ATG10: variants seen among roughly 807,000 people sequenced by gnomAD.
ATG10 encodes ubiquitin-like-conjugating enzyme ATG10.
A neutral mutation model predicts 32.1 loss-of-function variants in ATG10; 30 were observed. The ratio of observed to expected loss-of-function variants is 0.94; its 90% CI spans 0.70 to 1.27. ATG10 has a LOEUF of 1.27. ATG10 is among the 50% of genes most tolerant of loss of function. The pLI is 0.00. For synonymous variants in ATG10, 87 were observed against 91.5 expected (o/e 0.95, Z 0.28); for missense variants, 233 against 262.3 (o/e 0.89, Z 0.77).
chr5:82,239,726 G>C (rs1189172502), intron 5 of ATG10, among the ~76,000 whole-genome samples: 2 of 152,080 alleles, frequency 1.3e-5, no homozygotes, highest in Non-Finnish European at 2.9e-5. Flanking sequence ...AAAGTGAAGA[G>C]ATATCCTACA....
intron 5 of ATG10, among the ~76,000 whole-genome samples, chr5:82,227,242 G>A (rs1003054405): frequency 2.0e-5 from 3 of 151,898 alleles, no homozygotes; most frequent in African/African-American, 7.3e-5. Flanking sequence ...AAAGACATCT[G>A]ACATCCGACA....
intron 3 of ATG10, among the ~76,000 whole-genome samples, chr5:82,082,987 TG>T (rs1334397004): frequency 6.6e-6 from 1 of 152,200 alleles, no homozygotes; most frequent in Non-Finnish European, 1.5e-5. Context: ...TTCATCTCAC[TG>T]GGGCTTGTCA....
intron 2 of ATG10, among the ~76,000 whole-genome samples, chr5:82,001,308 T>A (rs1331662121): frequency 6.6e-6 from 1 of 152,116 alleles, no homozygotes; most frequent in Non-Finnish European, 1.5e-5. Context: ...AGTTTTAAAA[T>A]TCATATGGAA....
At chr5:82,065,575 CTT>C (rs1763917823) in intron 3 of ATG10, among the ~76,000 whole-genome samples, 1 of 151,490 alleles carries the variant, frequency 6.6e-6, no homozygotes, top group South Asian at 2.1e-4. Flanking sequence ...TTATGTGACA[CTT>C]ATTTTCATAA....
intron 2 of ATG10, among the ~76,000 whole-genome samples, chr5:81,996,593 C>T (rs939982571): frequency 3.3e-5 from 5 of 152,176 alleles, no homozygotes; most frequent in Admixed American, 3.3e-4. Context: ...GGGCCCATGG[C>T]CTCTAGTGGT....
At chr5:82,068,096 A>G (rs1417655265) in intron 3 of ATG10, among the ~76,000 whole-genome samples, 2 of 151,962 alleles carry the variant, frequency 1.3e-5, no homozygotes, top group Non-Finnish European at 2.9e-5. Flanking sequence ...CATTTTCCCC[A>G]TTTCTTTTAA....
chr5:82,251,869 A>T (rs1378075806), intron 5 of ATG10, among the ~76,000 whole-genome samples: 1 of 152,188 alleles, frequency 6.6e-6, no homozygotes, highest in African/African-American at 2.4e-5. Context: ...TTACTACCTT[A>T]TAAAAGAAAC....
chr5:82,095,076 T>C (rs975940086), intron 3 of ATG10, among the ~76,000 whole-genome samples: 1 of 152,102 alleles, frequency 6.6e-6, no homozygotes, highest in Non-Finnish European at 1.5e-5. Context: ...AGCTAAAAAT[T>C]AAATAAATAA....
intron 3 of ATG10, among the ~76,000 whole-genome samples, chr5:82,136,353 G>A (rs1160889758): frequency 6.6e-6 from 1 of 152,188 alleles, no homozygotes; most frequent in Non-Finnish European, 1.5e-5. Context: ...TGTTTTTGCA[G>A]TGGCTGGTAC....
intron 4 of ATG10, among the ~76,000 whole-genome samples, chr5:82,178,160 TG>T (rs1197008095): frequency 6.6e-6 from 1 of 152,156 alleles, no homozygotes; most frequent in African/African-American, 2.4e-5. Context: ...TTTATGAATA[TG>T]GGAGTCTGTT....
intron 5 of ATG10, chr5:82,242,795 A>G (rs1027596881): frequency 1.3e-5 from 6 of 448,208 alleles, no homozygotes; most frequent in Non-Finnish European, 2.2e-5. Context: ...TACTACCTAC[A>G]GATCTTCACC....
chr5:82,120,503 G>A (rs550716256), intron 3 of ATG10, among the ~76,000 whole-genome samples: 48 of 152,332 alleles, frequency 3.2e-4, no homozygotes, highest in South Asian at 2.3e-3. Flanking sequence ...GAATTGTTCA[G>A]ATTTTTGATT....
intron 3 of ATG10, among the ~76,000 whole-genome samples, chr5:82,163,224 T>G (rs1473978338): frequency 6.6e-6 from 1 of 152,258 alleles, no homozygotes; most frequent in Admixed American, 6.5e-5. Context: ...TTTCTGTATC[T>G]GGCATATTTA....
intron 4 of ATG10, among the ~76,000 whole-genome samples, chr5:82,175,697 G>C (rs1581771390): frequency 6.6e-6 from 1 of 152,116 alleles, no homozygotes; most frequent in East Asian, 1.9e-4. Flanking sequence ...CCTCTCCCTG[G>C]AACGCTGTGC....
intron 1 of ATG10, among the ~76,000 whole-genome samples, chr5:81,977,961 C>T (rs1362894559): frequency 6.6e-6 from 1 of 152,148 alleles, no homozygotes; most frequent in Non-Finnish European, 1.5e-5. Flanking sequence ...CAACCATTTC[C>T]TTTTTTTATT....
intron 3 of ATG10, among the ~76,000 whole-genome samples, chr5:82,124,267 T>C (rs1161603936): frequency 1.3e-5 from 2 of 151,470 alleles, no homozygotes; most frequent in Non-Finnish European, 2.9e-5. Context: ...CCTCCCAAAG[T>C]GCTGGGATTA....
chr5:82,217,672 C>T (rs966589430), intron 5 of ATG10, among the ~76,000 whole-genome samples: 3 of 151,894 alleles, frequency 2.0e-5, no homozygotes, highest in Non-Finnish European at 1.5e-5. Context: ...TGCATTGTCT[C>T]ATTTAATTCT....
At chr5:82,084,312 C>T (rs2149785788) in intron 3 of ATG10, among the ~76,000 whole-genome samples, 1 of 152,234 alleles carries the variant, frequency 6.6e-6, no homozygotes, top group South Asian at 2.1e-4. Flanking sequence ...AACAAAGCCT[C>T]CAAGAAATAT....
intron 2 of ATG10, among the ~76,000 whole-genome samples, chr5:81,996,005 G>T (rs1485935734): frequency 6.6e-6 from 1 of 152,114 alleles, no homozygotes; most frequent in Non-Finnish European, 1.5e-5. Context: ...TTGCGATTCT[G>T]CTGCGATTGC....
Sources: gnomAD v4.1 joint callset for allele counts (sites outside exome capture counted in the v4.1 genomes callset) on GRCh38, gnomAD v4.1.1 for gene constraint, MANE v1.5 for transcripts, NCBI Gene and HGNC (gene_info 2026-07-23, HGNC 2026-07-21) for gene names.